PARVA: variants seen among roughly 807,000 people sequenced by gnomAD.
PARVA encodes alpha-parvin.
Under a neutral mutation model 52.6 loss-of-function variants are expected in PARVA, and 25 were observed. The ratio of observed to expected loss-of-function variants is 0.48; its 90% CI spans 0.35 to 0.66. The LOEUF is 0.66. Ranked by LOEUF, PARVA falls within the 30% of genes least tolerant of loss-of-function variation. PARVA has a pLI of 0.01. For synonymous variants in PARVA, 185 were observed against 179.1 expected, an observed-to-expected ratio of 1.03 and a Z score of -0.26; for missense variants, 373 against 450.9, an observed-to-expected ratio of 0.83 and a Z score of 1.56.
chr11:12,513,170 A>G (rs528569270), intron 8 of PARVA, 129 bp from the exon 9 acceptor site: 18 of 796,244 alleles, frequency 2.3e-5, no homozygotes, highest in African/African-American at 1.3e-4. Flanking sequence ...GGCACAGTCT[A>G]TACCCCAGAG....
At chr11:12,423,327 C>T (rs1253729359) in intron 1 of PARVA, among the ~76,000 whole-genome samples, 4 of 149,132 alleles carry the variant, frequency 2.7e-5, no homozygotes, top group Non-Finnish European at 4.4e-5. Flanking sequence ...CACAGGCGTG[C>T]GCCACCATGC....
intron 1 of PARVA, among the ~76,000 whole-genome samples, chr11:12,470,706 A>T (rs1331500599): frequency 6.6e-6 from 1 of 152,170 alleles, no homozygotes; most frequent in South Asian, 2.1e-4. Flanking sequence ...AAAACATGAG[A>T]GGGAGGTGGG....
intron 1 of PARVA, among the ~76,000 whole-genome samples, chr11:12,398,024 A>G (rs1230971474): frequency 6.6e-6 from 1 of 152,124 alleles, no homozygotes; most frequent in African/African-American, 2.4e-5. Flanking sequence ...GGCCCAGAAC[A>G]GCTGGGCCCT....
chr11:12,377,661 C>T lies in PARVA; in HGVS notation c.14C>T (p.Pro5Leu). Residue 5 changes from proline (P) to leucine (L), a missense_variant, in exon 1 of 13, where the codon CCG becomes CTG. Transcript: ENST00000334956. The stretch of plus-strand genomic sequence containing the variant: ...CTGCGCCGCGCCATGGCCACCTCCC[C>T]GCAGAAGTCGCCTTCTGTCCCCAAG... Reference protein sequence around the residue: MATSPQKSPSVPKSP... With the variant: MATSLQKSPSVPKSP... The T allele has an allele frequency of 3.8e-6, 6 of 1,569,794 alleles. No individual in the cohort carries two copies. Among genetic ancestry groups the T allele is most frequent in the Non-Finnish European group, 4.3e-6 (5 of 1,162,926 alleles).
intron 10 of PARVA, 95 bp from the exon 11 acceptor site, chr11:12,517,515 C>A: frequency 1.1e-6 from 1 of 909,162 alleles, no homozygotes; most frequent in Admixed American, 2.0e-5. Context: ...GGGTGGTAGG[C>A]TTCAGGTGGC....
At chr11:12,403,467 C>T (rs888636593) in intron 1 of PARVA, among the ~76,000 whole-genome samples, 11 of 152,222 alleles carry the variant, frequency 7.2e-5, no homozygotes, top group Non-Finnish European at 1.6e-4. Context: ...TGAGCATTTC[C>T]ACTGTGTGCG....
At chr11:12,392,869 C>T (rs921061471) in intron 1 of PARVA, among the ~76,000 whole-genome samples, 2 of 151,864 alleles carry the variant, frequency 1.3e-5, no homozygotes, top group East Asian at 3.9e-4. Context: ...CATTTTTTAA[C>T]CCTGACTGGG....
chr11:12,489,163 T>TAA (rs796213841), intron 4 of PARVA, among the ~76,000 whole-genome samples: 3 of 137,084 alleles, frequency 2.2e-5, no homozygotes, highest in Non-Finnish European at 3.2e-5. Context: ...CACCTCTATT[T>TAA]AAAAAAAAAA....
chr11:12,474,998 C>T (rs760668129), intron 3 of PARVA, among the ~76,000 whole-genome samples: 1 of 152,080 alleles, frequency 6.6e-6, no homozygotes, highest in East Asian at 1.9e-4. Flanking sequence ...ATTCATTCCC[C>T]CATGCAAATC....
At chr11:12,520,844 C>T (rs975885544) in intron 12 of PARVA, among the ~76,000 whole-genome samples, 4 of 151,836 alleles carry the variant, frequency 2.6e-5, no homozygotes, top group Admixed American at 1.3e-4. Flanking sequence ...CCCAGCTCCT[C>T]GGGAGGCTGA....
chr11:12,513,029 C>T (rs761007432), intron 8 of PARVA: 13 of 623,258 alleles, frequency 2.1e-5, no homozygotes, highest in Middle Eastern at 2.5e-4. Flanking sequence ...TGACTAATCC[C>T]GGGTCACACT....
chr11:12,440,387 G>T (rs1940449139), intron 1 of PARVA, among the ~76,000 whole-genome samples: 1 of 152,158 alleles, frequency 6.6e-6, no homozygotes, highest in Non-Finnish European at 1.5e-5. Context: ...GCTTCCTTGG[G>T]ACTTCTCTCC....
At chr11:12,478,119 G>T in intron 4 of PARVA, 170 bp downstream of exon 4, 3 of 696,380 alleles carry the variant, frequency 4.3e-6, no homozygotes, top group Non-Finnish European at 7.9e-6. Context: ...TGTCCTCTTG[G>T]AATGTTTCAT....
Position 12,513,685 on chromosome 11 carries a change from A to G in PARVA, c.799-312A>G. The G allele has an allele frequency of 1.2e-5, 7 of 582,870 alleles. No homozygotes were observed. The South Asian group carries it at 1.4e-4, about 11-fold the overall frequency. The allele number at this position is 582,870 out of a possible 1,614,324, so 36.1% of individuals were successfully genotyped here. On this transcript the variant is annotated intron_variant, in intron 9 of 12. Transcript: ENST00000334956. ...GCCGAAGAAGGGACAGGAAGGAGAG[A>G]TCCAGTGGAATCATTTTATTTCAGT...
intron 4 of PARVA, among the ~76,000 whole-genome samples, chr11:12,493,113 T>C (rs2135056749): frequency 6.6e-6 from 1 of 152,210 alleles, no homozygotes; most frequent in South Asian, 2.1e-4. Context: ...CCCAGCACTT[T>C]AGGAGGCTGA....
At chr11:12,522,352 A>G (rs987550897) in intron 12 of PARVA, among the ~76,000 whole-genome samples, 2 of 152,164 alleles carry the variant, frequency 1.3e-5, no homozygotes, top group African/African-American at 4.8e-5. Flanking sequence ...CTGGACAAAA[A>G]TCATCAAAAC....
At chr11:12,428,717 C>T (rs952250) in intron 1 of PARVA, among the ~76,000 whole-genome samples, 2 of 151,996 alleles carry the variant, frequency 1.3e-5, no homozygotes, top group Non-Finnish European at 2.9e-5. Context: ...AATTGACTAG[C>T]GGAGCAAATA....
At chr11:12,438,056 C>A (rs1470236967) in intron 1 of PARVA, among the ~76,000 whole-genome samples, 1 of 151,934 alleles carries the variant, frequency 6.6e-6, no homozygotes, top group African/African-American at 2.4e-5. Context: ...GTCAGGAGAT[C>A]GAGACCATCC....
intron 1 of PARVA, among the ~76,000 whole-genome samples, chr11:12,392,786 A>T (rs1003046397): frequency 8.5e-5 from 13 of 152,130 alleles, no homozygotes; most frequent in African/African-American, 2.4e-4. Flanking sequence ...TTCAGTGCAC[A>T]TCTCCTCAGT....
Sources: allele counts gnomAD v4.1 joint callset (sites outside exome capture counted in the v4.1 genomes callset), GRCh38; gene constraint gnomAD v4.1.1; transcripts MANE v1.5; gene names NCBI Gene and HGNC (gene_info 2026-07-23, HGNC 2026-07-21).